The following TANC2 variants were observed in gnomAD, a reference collection of about 807,000 sequenced individuals.
The protein encoded by TANC2 is tetratricopeptide repeat, ankyrin repeat and coiled-coil containing 2.
In TANC2, 26 loss-of-function variants were observed where a neutral mutation model predicts 210.5. That is an observed-to-expected ratio of 0.12 (90% CI 0.09 to 0.17). TANC2 has a LOEUF of 0.17. Among genes scored for constraint, TANC2 ranks in the 10% least tolerant of loss-of-function variants. The probability of loss-of-function intolerance (pLI) is 1.00; values close to 1 mark genes in which losing one functional copy is unlikely to be tolerated. For missense variants in TANC2, 2,129 were observed against 2,608.9 expected (o/e 0.82, Z 4.01); for synonymous variants, 931 against 967.1 (o/e 0.96, Z 0.69).
chr17:63,063,470 C>T (rs1326889957), intron 2 of TANC2, among the ~76,000 whole-genome samples: 1 of 151,972 alleles, frequency 6.6e-6, no homozygotes, highest in Non-Finnish European at 1.5e-5. Flanking sequence ...ACAAAGGACA[C>T]TCCCGTCACC....
intron 13 of TANC2, among the ~76,000 whole-genome samples, chr17:63,353,261 G>T (rs2046674116): frequency 6.6e-6 from 1 of 152,118 alleles, no homozygotes; most frequent in African/African-American, 2.4e-5. Context: ...ACTTGATGAT[G>T]GGCTGAATGT....
exon 14 of TANC2, chr17:63,355,386 C>A: frequency 6.4e-7 from 1 of 1,572,344 alleles, no homozygotes; most frequent in South Asian, 1.2e-5. Flanking sequence ...TCTCTGTGAT[C>A]CGAGGTAAGA....
intron 3 of TANC2, among the ~76,000 whole-genome samples, chr17:63,086,974 C>T (rs2036992389): frequency 6.6e-6 from 1 of 151,880 alleles, no homozygotes; most frequent in African/African-American, 2.4e-5. Flanking sequence ...AGCTGGCCAC[C>T]CCAGCCTGCA....
chr17:63,038,536 A>C (rs1011777236), intron 2 of TANC2, among the ~76,000 whole-genome samples: 1 of 152,120 alleles, frequency 6.6e-6, no homozygotes, highest in Non-Finnish European at 1.5e-5. Context: ...GTCCTCATAA[A>C]ATGAATTGGG....
chr17:63,116,388 C>G (rs907440383), intron 4 of TANC2, among the ~76,000 whole-genome samples: 2 of 152,222 alleles, frequency 1.3e-5, no homozygotes, highest in African/African-American at 4.8e-5. Flanking sequence ...ATCCTACTAT[C>G]CCCTGGAAGG....
chr17:63,102,914 A>G (rs1208408335), intron 4 of TANC2, among the ~76,000 whole-genome samples: 3 of 152,226 alleles, frequency 2.0e-5, no homozygotes, highest in African/African-American at 7.2e-5. Flanking sequence ...CCTAAACAAT[A>G]CAGTCTAACA....
intron 19 of TANC2, 59 bp from the exon 20 acceptor site, chr17:63,405,063 C>G: frequency 6.8e-7 from 1 of 1,465,940 alleles, no homozygotes; most frequent in Non-Finnish European, 9.2e-7. Context: ...TCACGTTTAA[C>G]ATGGAGCGCT....
rs869063496 is a variant in TANC2, at chr17:63,055,965, CAAAAAAAAAAAA to C, written c.68-17963_68-17952del. On this transcript the variant is annotated intron_variant, in intron 2 of 27. Transcript: ENST00000689528. ...CAACGTAGTGAGACCTCATCTCTACCAAAAAAAAAAAAAAAAAAAAAAAAAATATATATATAT... is the reference window on the plus strand; with the variant it reads ...CAACGTAGTGAGACCTCATCTCTACCAAAAAAAAAAAAAATATATATATAT... Among the ~76,000 whole-genome samples, 127 of 52,578 alleles carry C rather than the reference CAAAAAAAAAAAA, an allele frequency of 2.4e-3. 1 individual carries two copies. The highest frequency in any genetic ancestry group is 3.1e-3 in the Non-Finnish European group (90 of 29,406). The allele number at this position is 52,578 out of a possible 152,430, so 34.5% of individuals were successfully genotyped here. A position where few individuals can be genotyped will look rare whatever the true frequency, so the allele number is the denominator to read the frequency against.
chr17:63,271,043 A>G (rs1453022470), intron 9 of TANC2, among the ~76,000 whole-genome samples: 1 of 152,132 alleles, frequency 6.6e-6, no homozygotes, highest in African/African-American at 2.4e-5. Context: ...TGTATGTACC[A>G]CATTTTGTTT....
chr17:63,265,577 A>G (rs908785415), intron 8 of TANC2, among the ~76,000 whole-genome samples: 2 of 152,222 alleles, frequency 1.3e-5, no homozygotes, highest in African/African-American at 4.8e-5. Flanking sequence ...TGTTCAAAAT[A>G]TCCAGGAAAG....
intron 9 of TANC2, among the ~76,000 whole-genome samples, chr17:63,277,278 C>CTTT (rs559678371): frequency 7.1e-6 from 1 of 141,412 alleles, no homozygotes; most frequent in African/African-American, 2.6e-5. Context: ...CCATCTTCTT[C>CTTT]TTTTTTTTTT....
rs1433667590 is a variant in TANC2, at chr17:62,966,595, G to T, written c.-178G>T. 2.6e-5 allele frequency among the ~76,000 whole-genome samples: 4 copies of T among 151,364 alleles called. No homozygotes were observed. The highest frequency in any genetic ancestry group is 7.3e-5 in the African/African-American group (3 of 41,330). ...CGCTCGCCGGCTGCGAGGCCCCGCC[G>T]CGCCGTTCCGGGGTGCAGACTCGCC... On this transcript the variant is annotated 5_prime_UTR_variant, in exon 1 of 28. Transcript: ENST00000689528. The surrounding 1 kb of genome is among the most constrained non-coding windows in gnomAD (Gnocchi z 5.1).
chr17:63,102,226 G>A (rs2037650354), intron 4 of TANC2, among the ~76,000 whole-genome samples: 1 of 151,958 alleles, frequency 6.6e-6, no homozygotes, highest in Admixed American at 6.6e-5. Flanking sequence ...TGGGAGTGTT[G>A]CTTGAGCCCA....
chr17:62,986,469 T>G (rs2032571431), intron 1 of TANC2, among the ~76,000 whole-genome samples: 1 of 151,592 alleles, frequency 6.6e-6, no homozygotes. Context: ...TGGCCCTTGA[T>G]TTGGGTGTAA....
At chr17:63,217,285 A>C (rs992321309) in intron 7 of TANC2, among the ~76,000 whole-genome samples, 5 of 152,202 alleles carry the variant, frequency 3.3e-5, no homozygotes, top group African/African-American at 9.7e-5. Context: ...AATCAGTAAA[A>C]TCAATAAACC....
intron 1 of TANC2, among the ~76,000 whole-genome samples, chr17:63,004,008 A>C (rs2033502274): frequency 6.6e-6 from 1 of 152,118 alleles, no homozygotes; most frequent in South Asian, 2.1e-4. Flanking sequence ...AACAACTTTC[A>C]GACTCCTTCT....
chr17:63,060,379 G>A (rs2035952617), intron 2 of TANC2, among the ~76,000 whole-genome samples: 1 of 152,190 alleles, frequency 6.6e-6, no homozygotes. Context: ...CCAGCACTTT[G>A]GGAGGCTGAG....
At chr17:63,099,255 C>G in exon 4 of TANC2, 1 of 1,608,220 alleles carries the variant, frequency 6.2e-7, no homozygotes, top group South Asian at 1.1e-5. Flanking sequence ...AGGTATGCAG[C>G]ACATTCGGAT....
chr17:63,260,780 C>T (rs935417885), intron 8 of TANC2, among the ~76,000 whole-genome samples: 1 of 151,848 alleles, frequency 6.6e-6, no homozygotes, highest in South Asian at 2.1e-4. Flanking sequence ...AAAAAAATTT[C>T]TTTTGCATCT....
Sources: allele counts gnomAD v4.1 joint callset (sites outside exome capture counted in the v4.1 genomes callset), GRCh38; gene constraint gnomAD v4.1.1; non-coding constraint Gnocchi (gnomAD v3.1); transcripts MANE v1.5; gene names NCBI Gene and HGNC (gene_info 2026-07-23, HGNC 2026-07-21).